The following CNTN4 variants were observed in gnomAD, a reference collection of about 807,000 sequenced individuals.
The protein encoded by CNTN4 is contactin-4.
A neutral mutation model predicts 122.5 loss-of-function variants in CNTN4; 77 were observed. The observed-to-expected ratio is 0.63, with a 90% CI of 0.52 to 0.76. The LOEUF (loss-of-function observed/expected upper bound fraction) is 0.76. CNTN4 is among the 30% of genes least tolerant of loss of function. The pLI, the probability that CNTN4 is intolerant of heterozygous loss-of-function variation, is 0.00. For missense variants in CNTN4, 1,256 were observed against 1,259.1 expected (o/e 1.00, Z 0.04); for synonymous variants, 512 against 447.0 (o/e 1.15, Z -1.83).
At chr3:2,450,313 G>A (rs1212959068) in intron 3 of CNTN4, among the ~76,000 whole-genome samples, 1 of 151,854 alleles carries the variant, frequency 6.6e-6, no homozygotes, top group African/African-American at 2.4e-5. Flanking sequence ...GCTGCAGTGA[G>A]CTGAGATCAC....
At chr3:2,678,411 C>G (rs1449224271) in intron 4 of CNTN4, among the ~76,000 whole-genome samples, 1 of 152,076 alleles carries the variant, frequency 6.6e-6, no homozygotes, top group African/African-American at 2.4e-5. Flanking sequence ...TCGACTTTAT[C>G]TTACTAGGTA....
chr3:2,917,263 T>C (rs1019734628), intron 12 of CNTN4, among the ~76,000 whole-genome samples: 42 of 151,804 alleles, frequency 2.8e-4, no homozygotes, highest in African/African-American at 9.9e-4. Context: ...ACAGTCCAGC[T>C]TCGGCATCAG....
intron 3 of CNTN4, among the ~76,000 whole-genome samples, chr3:2,551,370 G>A (rs1326523399): frequency 3.9e-5 from 6 of 151,970 alleles, no homozygotes; most frequent in Admixed American, 2.6e-4. Context: ...TGTATATCAT[G>A]TGTGTACTTG....
At chr3:2,191,801 G>A (rs2320383) in intron 2 of CNTN4, among the ~76,000 whole-genome samples, 1,727 of 151,988 alleles carry the variant, frequency 0.011, 19 homozygotes, top group Middle Eastern at 0.055. Context: ...ACATATGTAT[G>A]CATGTGCCAT....
At chr3:2,972,250 G>C (rs1692994195) in intron 13 of CNTN4, among the ~76,000 whole-genome samples, 1 of 152,076 alleles carries the variant, frequency 6.6e-6, no homozygotes, top group Non-Finnish European at 1.5e-5. Flanking sequence ...ATATAGCACT[G>C]TAACATTTAT....
At chr3:2,145,950 T>TTC (rs2035228158) in intron 2 of CNTN4, among the ~76,000 whole-genome samples, 1 of 151,566 alleles carries the variant, frequency 6.6e-6, no homozygotes, top group Non-Finnish European at 1.5e-5. Context: ...ATTCTTAGTT[T>TTC]TTTTTTTTTA....
chr3:3,050,381 G>T (rs1701135557), intron 23 of CNTN4, among the ~76,000 whole-genome samples: 1 of 152,086 alleles, frequency 6.6e-6, no homozygotes, highest in Non-Finnish European at 1.5e-5. Context: ...TAACTCCCTT[G>T]GTTTGTGTTC....
intron 2 of CNTN4, among the ~76,000 whole-genome samples, chr3:2,143,057 C>G (rs1462961781): frequency 6.6e-6 from 1 of 152,194 alleles, no homozygotes; most frequent in Non-Finnish European, 1.5e-5. Context: ...CGATTTTTCT[C>G]AAGGTCACTG....
chr3:2,194,135 A>G (rs375898723), intron 2 of CNTN4, among the ~76,000 whole-genome samples: 3 of 152,122 alleles, frequency 2.0e-5, no homozygotes, highest in East Asian at 1.9e-4. Context: ...GTCTGTCTCA[A>G]ATGTTCAGGG....
At chr3:2,278,274 A>C (rs2041592456) in intron 2 of CNTN4, among the ~76,000 whole-genome samples, 1 of 152,238 alleles carries the variant, frequency 6.6e-6, no homozygotes, top group Non-Finnish European at 1.5e-5. Context: ...ATACTAAAAA[A>C]TCAACAGAGT....
chr3:2,962,384 T>C (rs908636638), intron 13 of CNTN4, among the ~76,000 whole-genome samples: 2 of 152,240 alleles, frequency 1.3e-5, no homozygotes, highest in African/African-American at 4.8e-5. Flanking sequence ...GTCATTTCTT[T>C]GTTCACCAGG....
chr3:2,104,483 A>C (rs2032270149), intron 2 of CNTN4, among the ~76,000 whole-genome samples: 1 of 152,212 alleles, frequency 6.6e-6, no homozygotes, highest in African/African-American at 2.4e-5. Context: ...CCATGGGGTC[A>C]TTCAGGGAAT....
chr3:2,321,684 C>A (rs941245066), intron 2 of CNTN4, among the ~76,000 whole-genome samples: 2 of 151,780 alleles, frequency 1.3e-5, no homozygotes, highest in Non-Finnish European at 2.9e-5. Context: ...GACCTAGTAT[C>A]TCAGGTTTCT....
At chr3:2,645,892 C>T (rs1451330256) in intron 4 of CNTN4, among the ~76,000 whole-genome samples, 1 of 152,174 alleles carries the variant, frequency 6.6e-6, no homozygotes, top group African/African-American at 2.4e-5. Flanking sequence ...GACATACATG[C>T]ACAGAAATGA....
At chr3:2,172,083 A>C (rs1466287176) in intron 2 of CNTN4, among the ~76,000 whole-genome samples, 1 of 152,226 alleles carries the variant, frequency 6.6e-6, no homozygotes, top group African/African-American at 2.4e-5. Flanking sequence ...GCTATTTACT[A>C]AGTCAAGTTT....
intron 8 of CNTN4, among the ~76,000 whole-genome samples, chr3:2,882,040 C>T (rs1051633398): frequency 1.3e-5 from 2 of 152,080 alleles, no homozygotes; most frequent in Non-Finnish European, 2.9e-5. Context: ...AGAGCAGTGG[C>T]AAATTGAGTC....
At chr3:2,598,273 G>A (rs2080866766) in intron 4 of CNTN4, among the ~76,000 whole-genome samples, 1 of 152,146 alleles carries the variant, frequency 6.6e-6, no homozygotes, top group Non-Finnish European at 1.5e-5. Flanking sequence ...GGAGGTCTGA[G>A]TAGTTCCACA....
At chr3:2,624,298 G>A (rs529874263) in intron 4 of CNTN4, among the ~76,000 whole-genome samples, 35 of 152,160 alleles carry the variant, frequency 2.3e-4, no homozygotes, top group African/African-American at 7.7e-4. Flanking sequence ...GAACTCTTAT[G>A]GTCGATATGC....
chr3:2,318,644 A>C (rs1466592606), intron 2 of CNTN4, among the ~76,000 whole-genome samples: 8 of 151,620 alleles, frequency 5.3e-5, no homozygotes, highest in Non-Finnish European at 1.0e-4. Context: ...GTGTGTATGC[A>C]TGTGTGTTGT....
Sources: allele counts gnomAD v4.1 joint callset (sites outside exome capture counted in the v4.1 genomes callset), GRCh38; gene constraint gnomAD v4.1.1; transcripts MANE v1.5; gene names NCBI Gene and HGNC (gene_info 2026-07-23, HGNC 2026-07-21).